Variants in NAF1 observed in about 807,000 individuals in gnomAD.
NAF1 encodes nuclear assembly factor 1 ribonucleoprotein.
A neutral mutation model predicts 40.6 loss-of-function variants in NAF1; 11 were observed. The ratio of observed to expected loss-of-function variants is 0.27; its 90% CI spans 0.17 to 0.45. The LOEUF (loss-of-function observed/expected upper bound fraction) is 0.45. Among genes scored for constraint, NAF1 ranks in the 20% least tolerant of loss-of-function variants. The pLI is 1.00. For synonymous variants in NAF1, 260 were observed against 228.5 expected (o/e 1.14, Z -1.24); for missense variants, 607 against 611.1 (o/e 0.99, Z 0.07).
chr4:163,112,193 G>A (rs1229750557), intron 2 of NAF1, among the ~76,000 whole-genome samples: 1 of 152,010 alleles, frequency 6.6e-6, no homozygotes, highest in Non-Finnish European at 1.5e-5. Flanking sequence ...ATTGGGGGGG[G>A]AGAAAAATTG....
intron 4 of NAF1, among the ~76,000 whole-genome samples, chr4:163,143,748 A>G (rs1355812512): frequency 6.6e-6 from 1 of 152,142 alleles, no homozygotes; most frequent in Non-Finnish European, 1.5e-5. Flanking sequence ...CCTTCAAACA[A>G]TGTCTCTCTA....
intron 6 of NAF1, 22 bp downstream of exon 6, chr4:163,137,177 G>A: frequency 1.9e-6 from 3 of 1,611,134 alleles, no homozygotes; most frequent in African/African-American, 2.7e-5. Context: ...ATAAAATGTT[G>A]CATAAAAAGA....
intron 2 of NAF1, among the ~76,000 whole-genome samples, chr4:163,160,948 C>T (rs1235832140): frequency 6.9e-6 from 1 of 144,706 alleles, no homozygotes; most frequent in Admixed American, 7.2e-5. Flanking sequence ...AACAAAATGG[C>T]ACATACCACA....
At chr4:163,145,174 A>G (rs556843823) in intron 4 of NAF1, among the ~76,000 whole-genome samples, 1 of 152,342 alleles carries the variant, frequency 6.6e-6, no homozygotes, top group African/African-American at 2.4e-5. Flanking sequence ...TAAAGTGCAC[A>G]GTTTTCTACA....
At chr4:163,124,081 C>T (rs76068461), downstream of NAF1, among the ~76,000 whole-genome samples, 1,238 of 152,302 alleles carry the variant, frequency 8.1e-3, 17 homozygotes, top group African/African-American at 0.027. Context: ...TTATGCTGGG[C>T]ATGGTGGCTT....
intron 2 of NAF1, among the ~76,000 whole-genome samples, chr4:163,158,894 C>G (rs1263097899): frequency 6.6e-6 from 1 of 152,090 alleles, no homozygotes; most frequent in African/African-American, 2.4e-5. Flanking sequence ...TCCACTCAAT[C>G]CTATCACTTC....
chr4:163,109,292 C>T (rs1352123524), downstream of NAF1, among the ~76,000 whole-genome samples: 4 of 151,248 alleles, frequency 2.6e-5, no homozygotes, highest in Non-Finnish European at 4.4e-5. Flanking sequence ...CTTCTATCTT[C>T]GTATTTCTTA....
intron 2 of NAF1, among the ~76,000 whole-genome samples, chr4:163,149,868 A>C (rs1731626578): frequency 6.6e-6 from 1 of 152,092 alleles, no homozygotes; most frequent in African/African-American, 2.4e-5. Flanking sequence ...GATAACTATA[A>C]TTTTGGGGGA....
At chr4:163,141,753 G>C (rs1731270656) in intron 4 of NAF1, among the ~76,000 whole-genome samples, 1 of 152,140 alleles carries the variant, frequency 6.6e-6, no homozygotes, top group African/African-American at 2.4e-5. Flanking sequence ...AGTTTTAATG[G>C]AAATTACTAA....
At chr4:163,112,922 C>A (rs1730207138) in intron 2 of NAF1, among the ~76,000 whole-genome samples, 1 of 152,136 alleles carries the variant, frequency 6.6e-6, no homozygotes, top group Non-Finnish European at 1.5e-5. Context: ...TTAAGGCTCC[C>A]TTTTAGGTTT....
chr4:163,119,988 C>T (rs983520878), intron 2 of NAF1: 3 of 152,152 alleles, frequency 2.0e-5, no homozygotes, highest in Non-Finnish European at 4.4e-5. Context: ...AAAACAAAAA[C>T]CAAACTGATG....
chr4:163,147,449 T>A (rs191636035), intron 3 of NAF1, among the ~76,000 whole-genome samples: 2 of 152,210 alleles, frequency 1.3e-5, no homozygotes, highest in African/African-American at 4.8e-5. Flanking sequence ...TACGAGTTAA[T>A]AGTACCTATA....
intron 6 of NAF1, 96 bp downstream of exon 6, chr4:163,137,103 G>C (rs1310399023): frequency 7.3e-7 from 1 of 1,372,574 alleles, no homozygotes; most frequent in Admixed American, 1.9e-5. Flanking sequence ...CTGCTAGCCA[G>C]TATTAATGAC....
At chr4:163,158,427 G>A (rs985950286) in intron 2 of NAF1, 2 of 151,954 alleles carry the variant, frequency 1.3e-5, no homozygotes, top group African/African-American at 4.8e-5. Context: ...CTTCTTCAGG[G>A]GAAGTAATTT....
At chr4:163,132,654 T>C (rs1378219902) in intron 7 of NAF1, among the ~76,000 whole-genome samples, 1 of 152,228 alleles carries the variant, frequency 6.6e-6, no homozygotes, top group African/African-American at 2.4e-5. Context: ...CTTCATTGTA[T>C]AACTGTCAAT....
Position 163,148,342 on chromosome 4 carries a change from T to G in NAF1, c.633A>C (p.Leu211=). 1 of 1,530,692 alleles carries G rather than the reference T, an allele frequency of 6.5e-7. No homozygotes were observed. The highest frequency in any genetic ancestry group is 8.8e-7 in the Non-Finnish European group (1 of 1,138,634). The allele number at this position is 1,530,692 out of a possible 1,614,324, so 94.8% of individuals were successfully genotyped here. A position where few individuals can be genotyped will look rare whatever the true frequency, so the allele number is the denominator to read the frequency against. The change falls in exon 3 of 8, where the codon CTA becomes CTC. Residue 211 remains leucine (L), a splice_region_variant and synonymous_variant. Transcript: ENST00000274054. The stretch of plus-strand genomic sequence containing the variant: ...TTATTAATAGAATTCTTAACATACC[T>G]AGTTGTTCAATAATACTTGAAACCA... The part of the protein sequence containing the change: ...LGMVSSIIEQ[L]VIIESMTNLP...
At chr4:163,126,165 G>A (rs1377995097), downstream of NAF1, among the ~76,000 whole-genome samples, 1 of 152,120 alleles carries the variant, frequency 6.6e-6, no homozygotes, top group African/African-American at 2.4e-5. Flanking sequence ...CATGGATCAA[G>A]GAATAGTTTT....
At chr4:163,149,406 T>C (rs1357482783) in intron 2 of NAF1, among the ~76,000 whole-genome samples, 1 of 152,194 alleles carries the variant, frequency 6.6e-6, no homozygotes, top group Non-Finnish European at 1.5e-5. Context: ...TGAGTAATCA[T>C]ATTACCCCTA....
At chr4:163,154,606 C>A (rs982862254) in intron 2 of NAF1, among the ~76,000 whole-genome samples, 4 of 152,148 alleles carry the variant, frequency 2.6e-5, no homozygotes, top group Non-Finnish European at 4.4e-5. Context: ...GGAATGGTGG[C>A]TCATGCCTGT....
Sources: allele counts gnomAD v4.1 joint callset (sites outside exome capture counted in the v4.1 genomes callset), GRCh38; gene constraint gnomAD v4.1.1; transcripts MANE v1.5; gene names NCBI Gene and HGNC (gene_info 2026-07-23, HGNC 2026-07-21).